MYOM2: variants seen among roughly 807,000 people sequenced by gnomAD.
MYOM2 encodes myomesin-2.
A neutral mutation model predicts 187.6 loss-of-function variants in MYOM2; 254 were observed. That is an observed-to-expected ratio of 1.35 (90% CI 1.22 to 1.50). The LOEUF (loss-of-function observed/expected upper bound fraction) is 1.50. Ranked by LOEUF, MYOM2 falls within the 40% of genes most tolerant of loss-of-function variation. MYOM2 has a pLI of 0.00. For synonymous variants in MYOM2, 981 were observed against 753.8 expected (o/e 1.30, Z -4.94); for missense variants, 2,796 against 1,924.0 (o/e 1.45, Z -8.48).
intron 6 of MYOM2, among the ~76,000 whole-genome samples, chr8:2,063,787 C>G (rs528405145): frequency 6.6e-6 from 1 of 152,214 alleles, no homozygotes; most frequent in Admixed American, 6.5e-5. Context: ...GAACCAGCTT[C>G]TCCCAGGGGG....
intron 6 of MYOM2, among the ~76,000 whole-genome samples, chr8:2,063,170 A>G (rs1256537902): frequency 6.6e-6 from 1 of 152,244 alleles, no homozygotes; most frequent in Non-Finnish European, 1.5e-5. Flanking sequence ...GGAAAAGAGC[A>G]ATGAGATAAA....
In MYOM2 at chr8:2,116,274, A is replaced by T; in HGVS notation, c.3384A>T (p.Gln1128His). 6 of 1,612,596 alleles carry T rather than the reference A, an allele frequency of 3.7e-6. No individual in the cohort carries two copies. The highest frequency in any genetic ancestry group is 5.1e-6 in the Non-Finnish European group (6 of 1,179,154). Residue 1128 changes from glutamine (Q) to histidine (H), a missense_variant and splice_region_variant, in exon 27 of 37, where the codon CAA (glutamine) becomes CAT (histidine). By Grantham distance (24) the Gln-to-His change is conservative. Coordinates refer to ENST00000262113, the MANE Select transcript of MYOM2 (RefSeq NM_003970.4). ...EFQRKEFLRKQGPHFAEYLHW... is the reference protein window; with the variant it reads ...EFQRKEFLRKHGPHFAEYLHW... ...AAAGGAAAGAATTTCTCAGGAAACA[A>T]GGTGAGTTTCCTCACTCTGACCGGC...
Position 2,074,947 on chromosome 8 carries a change from C to T in MYOM2, c.1121-1194C>T, listed in dbSNP as rs115514479. On this transcript the variant is annotated intron_variant, in intron 10 of 36. Transcript: ENST00000262113. ...GGTCCCCGGGCTCCCGGCTCCATCC[C>T]GATCAGCCGGGCATCCTTACCTGCT... Among the ~76,000 whole-genome samples the T allele has an allele frequency of 7.3e-3, 1,110 of 152,354 alleles. 3 individuals are homozygous for T. Among genetic ancestry groups the T allele is most frequent in the Admixed American group, 0.011 (163 of 15,304 alleles).
chr8:2,095,293 C>CTT lies in MYOM2; in HGVS notation c.2126-940_2126-939dup, dbSNP rs201143467. On this transcript the variant is annotated intron_variant, in intron 17 of 36. Coordinates refer to ENST00000262113, the MANE Select transcript of MYOM2 (RefSeq NM_003970.4). ...ATTCCTACTAAAGGAAAACCACTTT[C>CTT]TTTTTTTTTTTTTTTCGACGTAGAG... 8.8e-3 allele frequency among the ~76,000 whole-genome samples: 1,209 copies of CTT among 136,616 alleles called. 20 individuals carry two copies. The highest frequency in any genetic ancestry group is 0.024 in the African/African-American group (898 of 36,754). The allele number at this position is 136,616 out of a possible 152,430, so 89.6% of individuals were successfully genotyped here.
Position 2,092,525 on chromosome 8 carries a change from G to A in MYOM2, c.2003+5G>A, listed in dbSNP as rs774838523. On this transcript the variant is annotated splice_donor_5th_base_variant and intron_variant, in intron 16 of 36. Transcript: ENST00000262113. ...CAAGCCCATCGGATACAACAGGTGC[G>A]GCCTCCCTCCCCAGCCCTGGAGTCA... is the stretch of plus-strand genomic sequence containing the variant. 3.1e-6 allele frequency: 5 copies of A among 1,613,412 alleles called. No homozygotes were observed. Among genetic ancestry groups the A allele is most frequent in the Admixed American group, 1.7e-5 (1 of 59,966 alleles).
At chr8:2,126,015 C>G (rs1797622667) in intron 31 of MYOM2, among the ~76,000 whole-genome samples, 1 of 152,142 alleles carries the variant, frequency 6.6e-6, no homozygotes, top group Non-Finnish European at 1.5e-5. Context: ...TGTGGCTTTA[C>G]TCTTATACTC....
At chr8:2,140,656 C>A in intron 32 of MYOM2, 67 bp from the exon 33 acceptor site, 1 of 1,521,418 alleles carries the variant, frequency 6.6e-7, no homozygotes, top group Non-Finnish European at 9.0e-7. Context: ...CGGGACATTG[C>A]CCTGTAGACA....
In MYOM2 at chr8:2,057,676, G is replaced by A; in HGVS notation, c.456G>A (p.Arg152=). The change falls in exon 5 of 37, where the codon AGG becomes AGA. Residue 152 remains arginine (R), a synonymous_variant. Transcript: ENST00000262113. ...ACACATTTGAAGAGCGGATAAGCAG[G>A]GCTCCTGAGATCCTGGTGCGGCTGC... ...ERHTFEERIS[R]APEILVRLRS... 6.2e-7 allele frequency: 1 copy of A among 1,614,104 alleles called. No homozygotes were observed.
At chr8:2,056,195 C>G (rs1281275042) in intron 3 of MYOM2, among the ~76,000 whole-genome samples, 2 of 152,090 alleles carry the variant, frequency 1.3e-5, no homozygotes, top group Admixed American at 1.3e-4. Context: ...GTTCAAGACA[C>G]AGGGGAGAGG....
rs202076530 is a variant in MYOM2, at chr8:2,106,542, C to T, written c.2943C>T (p.Ser981=). The T allele has an allele frequency of 9.3e-6, 15 of 1,612,360 alleles. No individual in the cohort carries two copies. Among genetic ancestry groups the T allele is most frequent in the Middle Eastern group, 1.7e-4 (1 of 6,054 alleles). ...ATAAGGAGGATTTAGGGACTTACTC[C>T]GTGTCTGTAAGTGATACAGACGGAG... ...NPDKEDLGTY[S]VSVSDTDGVS... The change falls in exon 23 of 37, where the codon TCC becomes TCT. Residue 981 remains serine, a synonymous_variant. Coordinates refer to ENST00000262113, the MANE Select transcript of MYOM2 (RefSeq NM_003970.4).
chr8:2,047,302 G>A (rs1198379214), intron 1 of MYOM2, among the ~76,000 whole-genome samples: 1 of 152,176 alleles, frequency 6.6e-6, no homozygotes, highest in African/African-American at 2.4e-5. Context: ...CCCAGGCTGG[G>A]TGAGGGACAC....
intron 25 of MYOM2, among the ~76,000 whole-genome samples, chr8:2,114,465 C>A (rs1235235747): frequency 6.7e-6 from 1 of 148,554 alleles, no homozygotes; most frequent in African/African-American, 2.5e-5. Context: ...TTATATATGA[C>A]AAAATTTCTT....
intron 14 of MYOM2, 49 bp from the exon 15 acceptor site, chr8:2,089,959 G>C: frequency 8.8e-6 from 14 of 1,590,366 alleles, no homozygotes; most frequent in Non-Finnish European, 1.2e-5. Context: ...CACGCCTCTG[G>C]GGACCTCGCG....
chr8:2,082,715 T>C (rs1048311448), intron 13 of MYOM2, among the ~76,000 whole-genome samples: 2 of 152,248 alleles, frequency 1.3e-5, no homozygotes, highest in African/African-American at 4.8e-5. Flanking sequence ...TTTACTCTAC[T>C]GTTCTACTGT....
chr8:2,117,801 G>T (rs529700833), intron 27 of MYOM2, 84 bp from the exon 28 acceptor site: 3 of 834,416 alleles, frequency 3.6e-6, no homozygotes, highest in Non-Finnish European at 5.7e-6. Context: ...GCATATATGT[G>T]TGGGTATATA....
Position 2,093,993 on chromosome 8 carries a change from C to G in MYOM2, c.2027C>G (p.Thr676Arg). Residue 676 changes from threonine to arginine, a missense_variant, in exon 17 of 37, where the codon ACG (threonine) becomes AGG (arginine). Coordinates refer to ENST00000262113, the MANE Select transcript of MYOM2 (RefSeq NM_003970.4). ...AGGTTCGTGGTGCACGGCTTAACCA[C>G]GGGAGAGCAGTACATCTTCCGAGTC... is the stretch of plus-strand genomic sequence containing the variant. ...YNRFVVHGLT[T>R]GEQYIFRVKA... is the part of the protein sequence containing the mutation. 6.2e-7 allele frequency: 1 copy of G among 1,614,108 alleles called. No homozygotes were observed. Among genetic ancestry groups the G allele is most frequent in the Admixed American group, 1.7e-5 (1 of 60,018 alleles).
At position 2,100,860 on chromosome 8, in the gene MYOM2, G is replaced by A. The variant is rs3779837; in HGVS notation, c.2441-16G>A. On this transcript the variant is annotated splice_polypyrimidine_tract_variant and intron_variant, in intron 19 of 36. Transcript: ENST00000262113. Reference sequence around the variant, plus strand: ...TGGCTATGCGCGCAGAAACAAGGTGGCATCTGACTTCACAGGTCCTGCCTA... The same window carrying A: ...TGGCTATGCGCGCAGAAACAAGGTGACATCTGACTTCACAGGTCCTGCCTA... The A allele has an allele frequency of 0.059, 95,495 of 1,613,298 alleles. 4,667 individuals are homozygous for A. The highest frequency in any genetic ancestry group is 0.23 in the East Asian group (10,292 of 44,824).
At position 2,129,109 on chromosome 8, in the gene MYOM2, A is replaced by C. The variant is rs768664023; in HGVS notation, c.3695-18A>C. 48 of 1,573,908 alleles carry C rather than the reference A, an allele frequency of 3.0e-5. No individual in the cohort carries two copies. The highest frequency in any genetic ancestry group is 4.0e-5 in the Non-Finnish European group (46 of 1,145,060). On this transcript the variant is annotated intron_variant, in intron 31 of 36. Coordinates refer to ENST00000262113, the MANE Select transcript of MYOM2 (RefSeq NM_003970.4). ...GGCACTCCTTTTCCTAGATCTGAGG[A>C]TGTTTTATTTTCTGCAGGGAAATCT...
intron 33 of MYOM2, 123 bp downstream of exon 33, chr8:2,141,009 A>G: frequency 7.5e-7 from 1 of 1,334,226 alleles, no homozygotes; most frequent in Non-Finnish European, 1.0e-6. Flanking sequence ...ATTTAGAGAA[A>G]ATGAAAAAAT....
Sources: gnomAD v4.1 joint callset for allele counts (sites outside exome capture counted in the v4.1 genomes callset) on GRCh38, gnomAD v4.1.1 for gene constraint, MANE v1.5 for transcripts, NCBI Gene and HGNC (gene_info 2026-07-23, HGNC 2026-07-21) for gene names.